The following C17orf99 variants were observed in gnomAD, a reference collection of about 807,000 sequenced individuals.
The protein encoded by C17orf99 is protein IL-40.
In C17orf99, 18 loss-of-function variants were observed where a neutral mutation model predicts 22.6. That is an observed-to-expected ratio of 0.80 (90% CI 0.55 to 1.18). The LOEUF (loss-of-function observed/expected upper bound fraction) is 1.18. Ranked by LOEUF, C17orf99 falls within the 50% of genes most tolerant of loss-of-function variation. The probability of loss-of-function intolerance (pLI) is 0.00; values close to 1 mark genes in which losing one functional copy is unlikely to be tolerated. For missense variants in C17orf99, 328 were observed against 342.7 expected (o/e 0.96, Z 0.34); for synonymous variants, 147 against 136.6 (o/e 1.08, Z -0.53).
chr17:78,151,217 A>G (rs1439726280), intron 2 of C17orf99, among the ~76,000 whole-genome samples: 5 of 150,174 alleles, frequency 3.3e-5, no homozygotes, highest in African/African-American at 1.2e-4. Flanking sequence ...CTAAGGTCAG[A>G]TGTTCCAGAC....
rs1598942237 is a variant in C17orf99 at position 78,151,447 on chromosome 17, GCAAAAGA to G, written c.70+4547_70+4553del. ...TCAAAAAAAAAAAAAAAAAAAAAAA[GCAAAAGA>G]CAAAAGACAACCAAAAAACAACACC... On this transcript the variant is annotated intron_variant, in intron 2 of 4. Transcript: ENST00000340363. 3.0e-5 allele frequency among the ~76,000 whole-genome samples: 3 copies of G among 99,270 alleles called. No individual in the cohort carries two copies. In the South Asian group the frequency reaches 1.0e-3, roughly 34 times the overall value. 65.1% of individuals were successfully genotyped at this position (99,270 alleles called of 152,430 possible).
At chr17:78,147,758 G>A (rs753996750) in intron 2 of C17orf99, among the ~76,000 whole-genome samples, 10 of 152,150 alleles carry the variant, frequency 6.6e-5, no homozygotes, top group Non-Finnish European at 1.3e-4. Context: ...ATGAGGCCCA[G>A]GTTGAACCAT....
intron 2 of C17orf99, among the ~76,000 whole-genome samples, chr17:78,153,716 G>C (rs762919641): frequency 2.6e-5 from 4 of 152,108 alleles, no homozygotes; most frequent in Non-Finnish European, 4.4e-5. Flanking sequence ...ACGTGAGGCA[G>C]GCTTCTGGCC....
chr17:78,160,488 A>G lies in C17orf99; in HGVS notation c.71-467A>G, dbSNP rs368765991. On this transcript the variant is annotated intron_variant, in intron 2 of 4. Coordinates refer to ENST00000340363, the MANE Select transcript of C17orf99 (RefSeq NM_001163075.2). ...GAGGCGAAGGTTGTGGTGAGCAGAG[A>G]TCGCGCCACTGCACTCCAGCCTGGG... 4.0e-4 allele frequency among the ~76,000 whole-genome samples: 60 copies of G among 151,288 alleles called. No individual in the cohort carries two copies. The South Asian group carries it at 0.012, about 31-fold the overall frequency.
At chr17:78,151,698 G>A (rs1353166163) in intron 2 of C17orf99, among the ~76,000 whole-genome samples, 1 of 152,070 alleles carries the variant, frequency 6.6e-6, no homozygotes, top group African/African-American at 2.4e-5. Context: ...TGAATTACTG[G>A]AGTTAATATT....
intron 2 of C17orf99, among the ~76,000 whole-genome samples, chr17:78,148,805 A>G (rs78371008): frequency 0.071 from 10,831 of 152,142 alleles, 1,301 homozygotes; most frequent in African/African-American, 0.25. Context: ...GCGCAGCCAT[A>G]GGAGGTTTGG....
At chr17:78,147,391 C>T (rs772653239) in intron 2 of C17orf99, among the ~76,000 whole-genome samples, 1 of 152,178 alleles carries the variant, frequency 6.6e-6, no homozygotes, top group Non-Finnish European at 1.5e-5. Context: ...CCCCCAGGGG[C>T]CTGACATACA....
intron 2 of C17orf99, among the ~76,000 whole-genome samples, chr17:78,156,685 A>T (rs1191253545): frequency 6.6e-6 from 1 of 152,082 alleles, no homozygotes; most frequent in East Asian, 1.9e-4. Context: ...ATCATAGCTC[A>T]CTGTAGCTTC....
In C17orf99 at chr17:78,161,024, T is replaced by C; in HGVS notation, c.140T>C (p.Ile47Thr). The C allele has an allele frequency of 6.4e-7, 1 of 1,551,468 alleles. No homozygotes were observed. The highest frequency in any genetic ancestry group is 8.7e-7 in the Non-Finnish European group (1 of 1,146,804). The part of the protein sequence containing the change: ...EVFPKGRWVL[I>T]TCCAPQPPPP... ...TTCCCCAAAGGCCGCTGGGTGCTCA[T>C]AACCTGCTGTGCACCCCAGCCACCA... The change falls in exon 3 of 5, where the codon ATA (isoleucine) becomes ACA (threonine). Residue 47 changes from isoleucine (I) to threonine (T), a missense_variant. By Grantham distance (89) the Ile-to-Thr change is moderately conservative. Transcript: ENST00000340363.
intron 2 of C17orf99, chr17:78,159,208 A>G (rs555000051): frequency 2.0e-5 from 3 of 152,340 alleles, no homozygotes; most frequent in South Asian, 4.1e-4. Context: ...ATGGTGGTGC[A>G]TGCCTGGAGT....
At chr17:78,148,703 C>T (rs2075454653) in intron 2 of C17orf99, among the ~76,000 whole-genome samples, 1 of 152,044 alleles carries the variant, frequency 6.6e-6, no homozygotes, top group Non-Finnish European at 1.5e-5. Flanking sequence ...GGGCAGGGAC[C>T]CTGTGTGGCC....
intron 4 of C17orf99, chr17:78,164,680 G>C (rs767102225): frequency 2.8e-6 from 4 of 1,415,768 alleles, no homozygotes; most frequent in Non-Finnish European, 3.7e-6. Context: ...ATGGGTGCTC[G>C]ATGCAGGGAG....
Position 78,146,904 on chromosome 17 carries a change from G to A in C17orf99, c.63G>A (p.Arg21=). Residue 21 remains arginine, a synonymous_variant, in exon 2 of 5, where the codon CGG becomes CGA. Coordinates refer to ENST00000340363, the MANE Select transcript of C17orf99 (RefSeq NM_001163075.2). The surrounding 1 kb of genome is among the most constrained non-coding windows in gnomAD (Gnocchi z 5.2). ...CTGCCAGCAGCTTCTCCAAGGCACG[G>A]GAGGAAGGTAAGTGGCATAGCCTGC... ...VLAASSFSKA[R]EEEITPVVSI... is the part of the protein sequence containing the mutation. 1 of 1,551,536 alleles carries A rather than the reference G, an allele frequency of 6.4e-7. No homozygotes were observed.
Position 78,165,999 on chromosome 17 carries a change from A to G in C17orf99, c.751A>G (p.Arg251Gly), listed in dbSNP as rs535562967. The G allele has an allele frequency of 3.4e-6, 5 of 1,488,048 alleles. No individual in the cohort carries two copies. In the African/African-American group the frequency reaches 4.2e-5, roughly 12 times the overall value. 92.2% of individuals were successfully genotyped at this position (1,488,048 alleles called of 1,614,324 possible). A position where few individuals can be genotyped will look rare whatever the true frequency, so the allele number is the denominator to read the frequency against. ...GAGTGAAGAGGAGTTTGGGGGGTTC[A>G]GGATAGGGAATGGGGAGGTCAGAGG... ...RLSEEEFGGF[R>G]IGNGEVRGRK... Residue 251 changes from arginine to glycine, a missense_variant, in exon 5 of 5, where the codon AGG becomes GGG. Coordinates refer to ENST00000340363, the MANE Select transcript of C17orf99 (RefSeq NM_001163075.2).
At chr17:78,164,725 C>T (rs566311976) in intron 4 of C17orf99, 424 of 1,331,370 alleles carry the variant, frequency 3.2e-4, no homozygotes, top group Non-Finnish European at 3.6e-4. Context: ...GAGGTCCAAC[C>T]GGGCCCTGGC....
intron 2 of C17orf99, among the ~76,000 whole-genome samples, chr17:78,157,058 G>T (rs985217450): frequency 6.6e-5 from 10 of 152,132 alleles, no homozygotes; most frequent in African/African-American, 2.4e-4. Context: ...GGCCGTGCAC[G>T]GTGGCTCACG....
At chr17:78,149,990 A>T (rs9897085) in intron 2 of C17orf99, among the ~76,000 whole-genome samples, 3,891 of 145,352 alleles carry the variant, frequency 0.027, 132 homozygotes, top group African/African-American at 0.09. Flanking sequence ...ATTACAGGCG[A>T]GAGCCACCAC....
intron 4 of C17orf99, chr17:78,164,705 G>A (rs1457153457): frequency 1.5e-6 from 2 of 1,368,548 alleles, no homozygotes; most frequent in African/African-American, 1.5e-5. Flanking sequence ...GAGAGCTGCT[G>A]ATGGCCTGAG....
At chr17:78,158,723 G>T in intron 2 of C17orf99, 1 of 166,800 alleles carries the variant, frequency 6.0e-6, no homozygotes. Flanking sequence ...TGGGGAAGCT[G>T]CCCTCCTCTT....
Sources: gnomAD v4.1 joint callset for allele counts (sites outside exome capture counted in the v4.1 genomes callset) on GRCh38, gnomAD v4.1.1 for gene constraint, Gnocchi (gnomAD v3.1) non-coding constraint, MANE v1.5 for transcripts, NCBI Gene and HGNC (gene_info 2026-07-23, HGNC 2026-07-21) for gene names.